HPSE2: variants seen among roughly 807,000 people sequenced by gnomAD.
The protein encoded by HPSE2 is inactive heparanase-2.
HPSE2 carries 38 observed loss-of-function variants against 60.5 expected under a neutral mutation model. That is an observed-to-expected ratio of 0.63 (90% confidence interval 0.48 to 0.82). HPSE2 has a LOEUF of 0.82. HPSE2 is among the 40% of genes least tolerant of loss of function. HPSE2 has a pLI of 0.00. For missense variants in HPSE2, 713 were observed against 740.4 expected (o/e 0.96, Z 0.43); for synonymous variants, 295 against 293.2 (o/e 1.01, Z -0.06).
At chr10:98,895,952 G>T (rs1953478440) in intron 3 of HPSE2, among the ~76,000 whole-genome samples, 1 of 105,252 alleles carries the variant, frequency 9.5e-6, no homozygotes, top group Admixed American at 1.2e-4. Context: ...GGGGGAGGGG[G>T]GAGGGATAGC....
chr10:98,970,612 A>G (rs1316365032), intron 3 of HPSE2, among the ~76,000 whole-genome samples: 3 of 152,204 alleles, frequency 2.0e-5, no homozygotes, highest in Non-Finnish European at 4.4e-5. Flanking sequence ...TAAGCAATAT[A>G]CCCTTTTATC....
chr10:99,031,063 C>T (rs1007124288), intron 3 of HPSE2, among the ~76,000 whole-genome samples: 1 of 152,024 alleles, frequency 6.6e-6, no homozygotes, highest in Non-Finnish European at 1.5e-5. Context: ...AATAAACAAA[C>T]CCTAGTATGT....
At chr10:98,662,342 T>G (rs1184477664) in intron 6 of HPSE2, among the ~76,000 whole-genome samples, 1 of 151,850 alleles carries the variant, frequency 6.6e-6, no homozygotes, top group Non-Finnish European at 1.5e-5. Context: ...TAATCTAGGG[T>G]TTCACAAATA....
intron 3 of HPSE2, chr10:99,013,437 T>C (rs1446870442): frequency 3.9e-6 from 2 of 509,466 alleles, no homozygotes; most frequent in Non-Finnish European, 7.4e-6. Context: ...TGGCCACCAA[T>C]ATCCTCCATT....
intron 5 of HPSE2, 58 bp downstream of exon 5, chr10:98,721,599 A>T: frequency 1.3e-6 from 2 of 1,489,496 alleles, no homozygotes; most frequent in Non-Finnish European, 1.9e-6. Context: ...GAGAAATGCA[A>T]ATACATTAAT....
At chr10:99,227,860 T>C (rs938010262) in intron 2 of HPSE2, among the ~76,000 whole-genome samples, 1 of 83,962 alleles carries the variant, frequency 1.2e-5, no homozygotes, top group African/African-American at 3.1e-5. Context: ...TAAAGTTGAA[T>C]GTGTATATAT....
chr10:99,175,992 C>T (rs548079053), intron 2 of HPSE2, among the ~76,000 whole-genome samples: 11 of 152,302 alleles, frequency 7.2e-5, no homozygotes, highest in African/African-American at 2.6e-4. Flanking sequence ...CTGGAGTGGA[C>T]CTCCAGCAAA....
At chr10:98,981,470 A>G (rs1956204636) in intron 3 of HPSE2, among the ~76,000 whole-genome samples, 1 of 152,176 alleles carries the variant, frequency 6.6e-6, no homozygotes, top group Admixed American at 6.5e-5. Context: ...ATATCCTCAT[A>G]GGCTTAGTGT....
Position 99,187,403 on chromosome 10 carries a change from A to T in HPSE2, c.449-43004T>A, listed in dbSNP as rs190063132. On this transcript the variant is annotated intron_variant, in intron 2 of 11. Transcript: ENST00000370552. ...AATTACTTTTTAAATTATGAATTGC[A>T]TTTCATCAAAATTTAAAACTTTTAC... 2.1e-3 allele frequency among the ~76,000 whole-genome samples: 323 copies of T among 152,352 alleles called. 1 individual carries two copies. Among genetic ancestry groups the T allele is most frequent in the African/African-American group, 7.3e-3 (304 of 41,584 alleles).
rs540330563 is a variant in HPSE2 at position 98,548,404 on chromosome 10, G to A, written c.1321-58208C>T. On this transcript the variant is annotated intron_variant, in intron 9 of 11. Transcript: ENST00000370552. ...GGCCGAGTTGGGCATATGGCTTGAG[G>A]TCAGGAGTTCAAGACCAGTGTGGCC... 2.0e-5 allele frequency among the ~76,000 whole-genome samples: 3 copies of A among 152,220 alleles called. No individual in the cohort carries two copies. In the East Asian group the frequency reaches 5.8e-4, roughly 29 times the overall value.
chr10:99,056,158 T>C (rs79702612), intron 3 of HPSE2, among the ~76,000 whole-genome samples: 2,524 of 152,042 alleles, frequency 0.017, 103 homozygotes, highest in East Asian at 0.15. Context: ...AAGAACAATA[T>C]GGAACTATTA....
chr10:98,959,390 T>C (rs527417181), intron 3 of HPSE2, among the ~76,000 whole-genome samples: 9 of 141,552 alleles, frequency 6.4e-5, no homozygotes, highest in Non-Finnish European at 1.4e-4. Context: ...GGCCAGTGGA[T>C]AGGAGGCCCA....
Position 99,134,804 on chromosome 10 carries a change from G to A in HPSE2, c.610+9434C>T, listed in dbSNP as rs367859106. Among the ~76,000 whole-genome samples the A allele has an allele frequency of 6.6e-5, 10 of 152,278 alleles. 1 individual carries two copies. The South Asian group carries it at 2.1e-3, about 32-fold the overall frequency. ...AGAGCATCAACACTATGAAGAAACT[G>A]CATCAACTAATGGGCAAAACAACCA... On this transcript the variant is annotated intron_variant, in intron 3 of 11. Transcript: ENST00000370552.
chr10:98,678,843 T>C (rs1246578476), intron 6 of HPSE2, among the ~76,000 whole-genome samples: 1 of 151,988 alleles, frequency 6.6e-6, no homozygotes, highest in African/African-American at 2.4e-5. Context: ...ATGCAGAAAG[T>C]AGGATTTCAG....
intron 3 of HPSE2, among the ~76,000 whole-genome samples, chr10:98,771,735 G>A (rs1391860801): frequency 6.6e-6 from 1 of 152,140 alleles, no homozygotes; most frequent in African/African-American, 2.4e-5. Flanking sequence ...TTGAGATGTG[G>A]GATTTAACAC....
chr10:98,570,889 C>T (rs1160588786), intron 9 of HPSE2, among the ~76,000 whole-genome samples: 3 of 152,092 alleles, frequency 2.0e-5, no homozygotes, highest in East Asian at 1.9e-4. Flanking sequence ...TTTTCAACCA[C>T]GTAGTGTTAG....
intron 3 of HPSE2, among the ~76,000 whole-genome samples, chr10:98,825,893 T>C (rs954098321): frequency 1.3e-5 from 2 of 152,210 alleles, no homozygotes; most frequent in African/African-American, 4.8e-5. Flanking sequence ...TTTATGACTA[T>C]GAGAGGAGAA....
At chr10:99,028,594 A>G (rs2135444750) in intron 3 of HPSE2, among the ~76,000 whole-genome samples, 1 of 152,330 alleles carries the variant, frequency 6.6e-6, no homozygotes, top group Middle Eastern at 3.4e-3. Context: ...AATCCCTATC[A>G]CAATACCAAT....
intron 3 of HPSE2, among the ~76,000 whole-genome samples, chr10:98,963,866 T>A (rs534432880): frequency 3.3e-4 from 50 of 152,228 alleles, no homozygotes; most frequent in African/African-American, 1.1e-3. Context: ...GATGCCTTTG[T>A]AAGACTAGGA....
Sources: gnomAD v4.1 joint callset for allele counts (sites outside exome capture counted in the v4.1 genomes callset) on GRCh38, gnomAD v4.1.1 for gene constraint, MANE v1.5 for transcripts, NCBI Gene and HGNC (gene_info 2026-07-23, HGNC 2026-07-21) for gene names.